The following RLF variants were observed in gnomAD, a reference collection of about 807,000 sequenced individuals.
RLF encodes the protein zinc finger protein Rlf.
RLF carries 7 observed loss-of-function variants against 162.9 expected under a neutral mutation model. That is an observed-to-expected ratio of 0.04 (90% CI 0.02 to 0.08). RLF has a LOEUF of 0.08. Among genes scored for constraint, RLF ranks in the 10% least tolerant of loss-of-function variants. The probability of loss-of-function intolerance (pLI) is 1.00; values close to 1 mark genes in which losing one functional copy is unlikely to be tolerated. For missense variants in RLF, 1,664 were observed against 2,244.7 expected, an observed-to-expected ratio of 0.74 and a Z score of 5.23; for synonymous variants, 782 against 791.5, an observed-to-expected ratio of 0.99 and a Z score of 0.20.
chr1:40,234,313 T>G (rs991081457), intron 7 of RLF, among the ~76,000 whole-genome samples: 8 of 152,298 alleles, frequency 5.3e-5, no homozygotes, highest in African/African-American at 1.9e-4. Context: ...CTTAACGTTC[T>G]GAGTGTTGGG....
In RLF at chr1:40,214,593, A is replaced by C. The variant is rs991716717; in HGVS notation, c.811-7981A>C. 3.5e-4 allele frequency among the ~76,000 whole-genome samples: 54 copies of C among 152,120 alleles called. 1 individual carries two copies. The highest frequency in any genetic ancestry group is 1.3e-3 in the African/African-American group (52 of 41,422). ...AATCTGCAAATAGTGAGGCCCAACT[A>C]TATATTCAGAGAACTAAAGGAAACA... On this transcript the variant is annotated intron_variant, in intron 5 of 7. Coordinates refer to ENST00000372771, the MANE Select transcript of RLF (RefSeq NM_012421.4).
intron 4 of RLF, among the ~76,000 whole-genome samples, chr1:40,196,283 A>G (rs982352694): frequency 1.2e-4 from 18 of 152,160 alleles, no homozygotes; most frequent in Admixed American, 9.2e-4. Context: ...CATGTTGGTC[A>G]GGTTGGTTTC....
At chr1:40,199,399 A>G (rs1323306119) in intron 4 of RLF, among the ~76,000 whole-genome samples, 1 of 152,202 alleles carries the variant, frequency 6.6e-6, no homozygotes, top group Admixed American at 6.5e-5. Context: ...CCTTGTGGTG[A>G]GTCTTATCTG....
chr1:40,172,539 C>G (rs1467344180), intron 1 of RLF, among the ~76,000 whole-genome samples: 2 of 152,166 alleles, frequency 1.3e-5, no homozygotes, highest in Non-Finnish European at 2.9e-5. Context: ...AATCCCAGCA[C>G]TTTGGGAGGC....
At chr1:40,220,287 C>T (rs1386951443) in intron 5 of RLF, among the ~76,000 whole-genome samples, 4 of 152,100 alleles carry the variant, frequency 2.6e-5, no homozygotes, top group Non-Finnish European at 5.9e-5. Context: ...AGTTGATGCT[C>T]CCACAGTATT....
At chr1:40,202,643 T>C (rs1642733066) in intron 5 of RLF, 29 bp downstream of exon 5, 1 of 1,273,728 alleles carries the variant, frequency 7.9e-7, no homozygotes. Flanking sequence ...TCATTCAAAC[T>C]TGGTATTAAT....
intron 6 of RLF, among the ~76,000 whole-genome samples, chr1:40,224,622 GCT>G (rs1643042253): frequency 1.5e-4 from 2 of 13,514 alleles, no homozygotes; most frequent in Non-Finnish European, 2.9e-4. Flanking sequence ...GTTTTTGAAA[GCT>G]TTTTTTTTTT....
At position 40,239,791 on chromosome 1, in the gene RLF, A is replaced by G. The variant is rs1321675340; in HGVS notation, c.5089A>G (p.Ile1697Val). 6.2e-7 allele frequency: 1 copy of G among 1,614,050 alleles called. No individual in the cohort carries two copies. Among genetic ancestry groups the G allele is most frequent in the Non-Finnish European group, 8.5e-7 (1 of 1,180,050 alleles). ...AGTTCAGCCTCCTCCTCCTTGTAAA[A>G]TAGAAAATTCCATACCTAATCCCAA... is the stretch of plus-strand genomic sequence containing the variant. The part of the protein sequence containing the change: ...NIVQPPPPCK[I>V]ENSIPNPNGT... Residue 1697 changes from isoleucine (I) to valine (V), a missense_variant, in exon 8 of 8, where the codon ATA becomes GTA. Transcript: ENST00000372771.
intron 1 of RLF, among the ~76,000 whole-genome samples, chr1:40,185,038 G>T (rs1402116641): frequency 1.3e-5 from 2 of 152,046 alleles, no homozygotes; most frequent in Non-Finnish European, 2.9e-5. Flanking sequence ...AGGAATTTGA[G>T]ACCAGACTGG....
chr1:40,178,953 G>C (rs1000101124), intron 1 of RLF, among the ~76,000 whole-genome samples: 2 of 152,112 alleles, frequency 1.3e-5, no homozygotes, highest in African/African-American at 4.8e-5. Context: ...TCCTGCCTCA[G>C]CTTCCTCAGT....
chr1:40,236,324 T>C lies in RLF; in HGVS notation c.1622T>C (p.Ile541Thr). The change falls in exon 8 of 8, where the codon ATT becomes ACT. Residue 541 changes from isoleucine to threonine, a missense_variant. By Grantham distance (89) the Ile-to-Thr change is moderately conservative. Around this residue, in one of 15 missense-constraint regions of RLF, gnomAD observed 54 missense variants for 71.7 expected, o/e 0.75. Transcript: ENST00000372771. This position sits in a 1 kb window ranked among gnomAD's most constrained non-coding sequence, Gnocchi z 7.7. ...AAGGAGAAAAGAGACAAAAAACCTA[T>C]TGGCTCTTCTGAAAGATATCAGAGG... ...QHKEKRDKKPIGSSERYQRWL... is the reference protein window; with the variant it reads ...QHKEKRDKKPTGSSERYQRWL... 1 of 1,613,994 alleles carries C rather than the reference T, an allele frequency of 6.2e-7. No individual in the cohort carries two copies. Among genetic ancestry groups the C allele is most frequent in the Middle Eastern group, 1.6e-4 (1 of 6,062 alleles).
chr1:40,222,185 A>G (rs554867299), intron 5 of RLF, among the ~76,000 whole-genome samples: 6 of 152,230 alleles, frequency 3.9e-5, no homozygotes, highest in Admixed American at 2.0e-4. Context: ...ATGTTTTACT[A>G]TCTGTAACCA....
intron 1 of RLF, among the ~76,000 whole-genome samples, chr1:40,165,804 G>T (rs542646937): frequency 1.3e-5 from 2 of 152,040 alleles, no homozygotes; most frequent in South Asian, 2.1e-4. Flanking sequence ...CCAAAGGAAA[G>T]ATAAAGTTCA....
intron 5 of RLF, among the ~76,000 whole-genome samples, chr1:40,220,827 A>T (rs991003046): frequency 4.6e-5 from 7 of 152,136 alleles, no homozygotes; most frequent in African/African-American, 1.2e-4. Flanking sequence ...GAAAGTGCAT[A>T]AAAAAGTTAA....
intron 1 of RLF, among the ~76,000 whole-genome samples, chr1:40,175,808 A>G (rs985710492): frequency 1.4e-4 from 21 of 150,810 alleles, no homozygotes; most frequent in Non-Finnish European, 1.5e-5. Flanking sequence ...AAAAAGTACA[A>G]TTTGGTGCAC....
intron 5 of RLF, among the ~76,000 whole-genome samples, chr1:40,213,646 A>G (rs1027851576): frequency 5.3e-5 from 8 of 152,284 alleles, no homozygotes; most frequent in Middle Eastern, 3.4e-3. Flanking sequence ...CTACTCAAGG[A>G]TGCAAGTGAA....
intron 1 of RLF, among the ~76,000 whole-genome samples, chr1:40,173,379 A>G (rs779044540): frequency 2.0e-5 from 3 of 151,934 alleles, no homozygotes; most frequent in African/African-American, 4.8e-5. Flanking sequence ...CCTGGCCTAC[A>G]TTCAGGTATT....
At chr1:40,163,450 A>G (rs1039717196) in intron 1 of RLF, among the ~76,000 whole-genome samples, 2 of 152,196 alleles carry the variant, frequency 1.3e-5, no homozygotes, top group South Asian at 2.1e-4. Flanking sequence ...AGGATCACAT[A>G]TATATGTATT....
chr1:40,221,899 C>CAAA (rs895455745), intron 5 of RLF, among the ~76,000 whole-genome samples: 671 of 65,016 alleles, frequency 0.01, 25 homozygotes, highest in African/African-American at 0.036. Context: ...GACTCCGTCT[C>CAAA]AAAAAAAAAA....
Sources: gnomAD v4.1 joint callset for allele counts (sites outside exome capture counted in the v4.1 genomes callset) on GRCh38, gnomAD v4.1.1 for gene constraint, gnomAD v4.1.1 regional missense constraint, Gnocchi (gnomAD v3.1) non-coding constraint, MANE v1.5 for transcripts, NCBI Gene and HGNC (gene_info 2026-07-23, HGNC 2026-07-21) for gene names.